MSL2: variants seen among roughly 807,000 people sequenced by gnomAD.
MSL2 encodes the protein MSL complex subunit 2.
In MSL2, 2 loss-of-function variants were observed where a neutral mutation model predicts 35.8. The ratio of observed to expected loss-of-function variants is 0.06; its 90% confidence interval spans 0.02 to 0.18. The LOEUF (loss-of-function observed/expected upper bound fraction) is 0.18. Among genes scored for constraint, MSL2 ranks in the 10% least tolerant of loss-of-function variants. MSL2 has a pLI of 1.00. For missense variants in MSL2, 523 were observed against 706.7 expected (o/e 0.74, Z 2.95); for synonymous variants, 296 against 255.7 (o/e 1.16, Z -1.50).
rs2108092987 is a variant in MSL2 at position 136,186,972 on chromosome 3, T to C, written c.142+8000A>G. ...TATGTAAGTAGTTGTTATACTGTAA[T>C]GCTTAGAGAATCCTGACCAAAAAAA... is the stretch of plus-strand genomic sequence containing the variant. On this transcript the variant is annotated intron_variant, in intron 1 of 1. Coordinates refer to ENST00000309993, the MANE Select transcript of MSL2 (RefSeq NM_018133.4). Among the ~76,000 whole-genome samples, 2 of 152,290 alleles carry C rather than the reference T, an allele frequency of 1.3e-5. 1 individual carries two copies. Among genetic ancestry groups the C allele is most frequent in the Admixed American group, 1.3e-4 (2 of 15,292 alleles).
intron 1 of MSL2, among the ~76,000 whole-genome samples, chr3:136,180,134 G>A (rs1458360310): frequency 1.3e-5 from 2 of 152,062 alleles, no homozygotes; most frequent in Non-Finnish European, 2.9e-5. Context: ...TAAAAATGTA[G>A]GCTAAAATGG....
At chr3:136,181,119 C>A (rs1479716893) in intron 1 of MSL2, among the ~76,000 whole-genome samples, 2 of 151,784 alleles carry the variant, frequency 1.3e-5, no homozygotes, top group African/African-American at 4.8e-5. Flanking sequence ...CGCCACTGCA[C>A]TCCAACCTGG....
intron 1 of MSL2, among the ~76,000 whole-genome samples, chr3:136,164,044 A>G (rs1939776544): frequency 6.6e-6 from 1 of 152,272 alleles, no homozygotes; most frequent in African/African-American, 2.4e-5. Context: ...AATGAAATGA[A>G]GCACATCTAA....
chr3:136,192,380 T>C (rs1374389388), intron 1 of MSL2, among the ~76,000 whole-genome samples: 2 of 152,094 alleles, frequency 1.3e-5, no homozygotes, highest in African/African-American at 2.4e-5. Context: ...GGTTTCACTA[T>C]GTTGGCCAGG....
chr3:136,162,612 G>C (rs925060687), intron 1 of MSL2, among the ~76,000 whole-genome samples: 5 of 152,030 alleles, frequency 3.3e-5, no homozygotes, highest in Admixed American at 2.6e-4. Flanking sequence ...CAATTAGGAG[G>C]GAGAGACAGA....
chr3:136,176,505 G>A (rs1212958613), intron 1 of MSL2, among the ~76,000 whole-genome samples: 2 of 122,592 alleles, frequency 1.6e-5, no homozygotes, highest in Non-Finnish European at 3.2e-5. Flanking sequence ...ACCAGAATGA[G>A]ACCCTCTCTC....
At chr3:136,191,096 T>C (rs961117625) in intron 1 of MSL2, among the ~76,000 whole-genome samples, 19 of 152,218 alleles carry the variant, frequency 1.2e-4, no homozygotes, top group Admixed American at 6.5e-4. Flanking sequence ...CCCACCATTG[T>C]CTACTGTGCA....
At position 136,195,034 on chromosome 3, in the gene MSL2, G is replaced by C. The variant is rs199804963; in HGVS notation, c.80C>G (p.Ala27Gly). The C allele has an allele frequency of 2.4e-5, 39 of 1,614,020 alleles. No homozygotes were observed. The highest frequency in any genetic ancestry group is 3.3e-5 in the Non-Finnish European group (39 of 1,180,026). ...VLNYDPGDPK[A>G]FTEINRLLPY... Reference sequence around the variant, plus strand: ...CAAGAGCCTGTTAATCTCAGTAAACGCCTTGGGGTCTCCGGGGTCGTAGTT... The same window carrying C: ...CAAGAGCCTGTTAATCTCAGTAAACCCCTTGGGGTCTCCGGGGTCGTAGTT... Residue 27 changes from alanine (A) to glycine (G), a missense_variant, in exon 1 of 2, where the codon GCG (alanine) becomes GGG (glycine). This residue lies in a region of MSL2 where 45 missense variants were observed against 47.5 expected (regional missense o/e 0.95). Transcript: ENST00000309993.
rs1940805528 is a variant in MSL2 at position 136,195,356 on chromosome 3, C to T, written c.-243G>A. On this transcript the variant is annotated 5_prime_UTR_variant, in exon 1 of 2. Transcript: ENST00000309993. ...ACCAAAAATATGAGAGAGAAACCAG[C>T]GTTCGAGTTCGTCCGGAGCGACCAC... The T allele has an allele frequency of 1.6e-6, 2 of 1,263,932 alleles. No homozygotes were observed. The highest frequency in any genetic ancestry group is 4.2e-5 in the Admixed American group (1 of 24,070). 78.3% of individuals were successfully genotyped at this position (1,263,932 alleles called of 1,614,324 possible). A position where few individuals can be genotyped will look rare whatever the true frequency, so the allele number is the denominator to read the frequency against.
Position 136,152,501 on chromosome 3 carries a change from G to C in MSL2, c.380C>G (p.Ser127Cys). ...ATCATTAAGCAAAGCCAAAATATCA[G>C]AAGAACAGTCAACTGCTTCTATTAT... is the stretch of plus-strand genomic sequence containing the variant. ...RDIIEAVDCS[S>C]DILALLNDGS... The change falls in exon 2 of 2, where the codon TCT becomes TGT. Residue 127 changes from serine to cysteine, a missense_variant. Coordinates refer to ENST00000309993, the MANE Select transcript of MSL2 (RefSeq NM_018133.4). 2 of 1,614,172 alleles carry C rather than the reference G, an allele frequency of 1.2e-6. No individual in the cohort carries two copies. The highest frequency in any genetic ancestry group is 2.2e-5 in the East Asian group (1 of 44,884).
chr3:136,165,834 C>T (rs1313587176), intron 1 of MSL2, among the ~76,000 whole-genome samples: 1 of 151,448 alleles, frequency 6.6e-6, no homozygotes, highest in East Asian at 1.9e-4. Flanking sequence ...AACAGGGTGA[C>T]TACAGTCACT....
intron 1 of MSL2, among the ~76,000 whole-genome samples, chr3:136,183,864 A>C (rs889640367): frequency 6.6e-5 from 10 of 152,320 alleles, no homozygotes; most frequent in African/African-American, 2.4e-4. Flanking sequence ...CTATCGACTA[A>C]CCTGTGAAAA....
chr3:136,156,175 A>G (rs1047241917), intron 1 of MSL2, among the ~76,000 whole-genome samples: 6 of 152,240 alleles, frequency 3.9e-5, no homozygotes, highest in East Asian at 1.9e-4. Context: ...CAACTGAATT[A>G]TATCTTCAGA....
chr3:136,192,643 G>A (rs562316767), intron 1 of MSL2, among the ~76,000 whole-genome samples: 61 of 151,854 alleles, frequency 4.0e-4, no homozygotes, highest in Non-Finnish European at 7.6e-4. Flanking sequence ...TATCAATCCA[G>A]TTAAAAGAGA....
intron 1 of MSL2, among the ~76,000 whole-genome samples, chr3:136,171,597 C>G (rs1182420698): frequency 6.6e-6 from 1 of 152,192 alleles, no homozygotes; most frequent in Non-Finnish European, 1.5e-5. Context: ...ATCATGGCAT[C>G]CACTACAATC....
intron 1 of MSL2, among the ~76,000 whole-genome samples, chr3:136,167,339 T>C (rs527298380): frequency 2.4e-4 from 35 of 145,822 alleles, no homozygotes; most frequent in Admixed American, 3.4e-4. Context: ...AGTTGTTCTA[T>C]AGAAAAAAAA....
At chr3:136,190,030 G>A (rs538759934) in intron 1 of MSL2, among the ~76,000 whole-genome samples, 45 of 149,472 alleles carry the variant, frequency 3.0e-4, no homozygotes, top group Middle Eastern at 3.8e-3. Context: ...GCAGTAAGCC[G>A]AGATCATGCC....
chr3:136,188,725 CAAAAA>C (rs11328242), intron 1 of MSL2, among the ~76,000 whole-genome samples: 5 of 102,498 alleles, frequency 4.9e-5, no homozygotes, highest in African/African-American at 3.7e-5. Flanking sequence ...GACCCTGTCT[CAAAAA>C]AAAAAAAAAA....
chr3:136,174,785 A>T (rs1940123366), intron 1 of MSL2, among the ~76,000 whole-genome samples: 1 of 152,216 alleles, frequency 6.6e-6, no homozygotes, highest in Non-Finnish European at 1.5e-5. Context: ...CAAAAAACAA[A>T]GATCGGCCTA....
Sources: gnomAD v4.1 joint callset for allele counts (sites outside exome capture counted in the v4.1 genomes callset) on GRCh38, gnomAD v4.1.1 for gene constraint, gnomAD v4.1.1 regional missense constraint, MANE v1.5 for transcripts, NCBI Gene and HGNC (gene_info 2026-07-23, HGNC 2026-07-21) for gene names.